The following GRK5 variants were observed in gnomAD, a reference collection of about 807,000 sequenced individuals.
GRK5 encodes G protein-coupled receptor kinase 5.
In GRK5, 40 loss-of-function variants were observed where a neutral mutation model predicts 78.4. That is an observed-to-expected ratio of 0.51 (90% confidence interval 0.40 to 0.66). The LOEUF is 0.66. GRK5 is among the 30% of genes least tolerant of loss of function. GRK5 has a pLI of 0.00. For synonymous variants in GRK5, 289 were observed against 296.8 expected (o/e 0.97, Z 0.27); for missense variants, 598 against 759.9 (o/e 0.79, Z 2.50).
At chr10:119,391,600 C>T (rs1851889145) in intron 3 of GRK5, among the ~76,000 whole-genome samples, 2 of 151,610 alleles carry the variant, frequency 1.3e-5, no homozygotes. Context: ...CCACAGGAGT[C>T]GGGTCTGGAG....
rs1477017248 is a variant in GRK5, at chr10:119,217,236, C to G, written c.52+9267C>G. On this transcript the variant is annotated intron_variant, in intron 1 of 15. Transcript: ENST00000392870. The surrounding 1 kb of genome is among the most constrained non-coding windows in gnomAD (Gnocchi z 4.1). ...CAAATTGGGAATATAATTTCTGTCT[C>G]AGACCGTGATTTCAGCTGAGGGCCA... 6.6e-6 allele frequency among the ~76,000 whole-genome samples: 1 copy of G among 152,212 alleles called. No individual in the cohort carries two copies. The highest frequency in any genetic ancestry group is 1.5e-5 in the Non-Finnish European group (1 of 68,038).
chr10:119,375,402 T>C lies in GRK5; in HGVS notation c.149-5413T>C, dbSNP rs536182457. On this transcript the variant is annotated intron_variant, in intron 2 of 15. Coordinates refer to ENST00000392870, the MANE Select transcript of GRK5 (RefSeq NM_005308.3). ...GCATTGTCTGCTCATTCCCATATTC[T>C]AGTGTGCTCTCCATGGCCACCACCC... 2.6e-5 allele frequency among the ~76,000 whole-genome samples: 4 copies of C among 152,284 alleles called. No individual in the cohort carries two copies. The South Asian group carries it at 6.2e-4, about 24-fold the overall frequency.
chr10:119,441,059 C>G (rs189310444), intron 10 of GRK5, among the ~76,000 whole-genome samples: 6 of 152,216 alleles, frequency 3.9e-5, no homozygotes, highest in African/African-American at 1.4e-4. Flanking sequence ...GGGGAGAAAC[C>G]GGGTCGCTGA....
chr10:119,416,066 T>C (rs1852445170), intron 4 of GRK5, among the ~76,000 whole-genome samples: 1 of 152,086 alleles, frequency 6.6e-6, no homozygotes, highest in Non-Finnish European at 1.5e-5. Context: ...TAGCTCTGAG[T>C]TGATTTCATG....
chr10:119,402,055 G>T (rs1459535873), intron 4 of GRK5, among the ~76,000 whole-genome samples: 6 of 152,194 alleles, frequency 3.9e-5, no homozygotes, highest in Non-Finnish European at 7.3e-5. Flanking sequence ...GGAAGAGAGG[G>T]ATGAAGGAGG....
intron 1 of GRK5, among the ~76,000 whole-genome samples, chr10:119,226,414 C>T (rs1395186032): frequency 3.4e-5 from 5 of 147,684 alleles, no homozygotes; most frequent in South Asian, 2.1e-4. Flanking sequence ...CAGGTTCAAG[C>T]GTGCTGATTC....
In GRK5 at chr10:119,345,832, C is replaced by CTTT. The variant is rs60190959; in HGVS notation, c.148+19234_148+19236dup. Reference sequence around the variant, plus strand: ...GCTCTTCTATTTAGGAGCTGTTTGACTTTTTTTTTTTTTTTAAACCTCTCT... The same window carrying CTTT: ...GCTCTTCTATTTAGGAGCTGTTTGACTTTTTTTTTTTTTTTTTTAAACCTCTCT... On this transcript the variant is annotated intron_variant, in intron 2 of 15. Coordinates refer to ENST00000392870, the MANE Select transcript of GRK5 (RefSeq NM_005308.3). Among the ~76,000 whole-genome samples, 743 of 145,826 alleles carry CTTT rather than the reference C, an allele frequency of 5.1e-3. 9 individuals are homozygous for CTTT. Among genetic ancestry groups the CTTT allele is most frequent in the African/African-American group, 0.018 (711 of 39,490 alleles).
intron 1 of GRK5, among the ~76,000 whole-genome samples, chr10:119,212,212 C>G (rs923477635): frequency 2.6e-5 from 4 of 151,818 alleles, no homozygotes; most frequent in East Asian, 1.9e-4. Context: ...GTAGAGAAAC[C>G]AAAAGCAATG....
chr10:119,287,323 AGGGAG>A (rs1849867642), intron 1 of GRK5, among the ~76,000 whole-genome samples: 1 of 77,172 alleles, frequency 1.3e-5, no homozygotes. Context: ...GGAGAGAGGG[AGGGAG>A]GAAGGGAGAG....
At chr10:119,294,463 C>T (rs1035760591) in intron 1 of GRK5, among the ~76,000 whole-genome samples, 6 of 152,118 alleles carry the variant, frequency 3.9e-5, no homozygotes, top group Non-Finnish European at 8.8e-5. Flanking sequence ...CCCAACCTGC[C>T]GCCAGCCACC....
At chr10:119,346,782 G>A (rs1201866798) in intron 2 of GRK5, among the ~76,000 whole-genome samples, 8 of 152,182 alleles carry the variant, frequency 5.3e-5, no homozygotes, top group East Asian at 3.9e-4. Context: ...CAGAGGCAAC[G>A]GGAGGAACCA....
chr10:119,287,523 A>G (rs989063352), intron 1 of GRK5, among the ~76,000 whole-genome samples: 2 of 152,226 alleles, frequency 1.3e-5, no homozygotes, highest in African/African-American at 4.8e-5. Flanking sequence ...CTTTCATTTC[A>G]GGATAAGGAA....
intron 3 of GRK5, among the ~76,000 whole-genome samples, chr10:119,394,240 GTGTCTGTGTGTGGA>G (rs1851958687): frequency 1.1e-5 from 1 of 89,750 alleles, no homozygotes; most frequent in Non-Finnish European, 2.4e-5. Context: ...GGGTGTGTGG[GTGTCTGTGTGTGGA>G]TGTATCTGTG....
intron 2 of GRK5, among the ~76,000 whole-genome samples, chr10:119,346,125 G>A (rs142044383): frequency 3.4e-4 from 51 of 152,228 alleles, no homozygotes; most frequent in African/African-American, 1.2e-3. Context: ...CTCCACCTTT[G>A]TAAGCCTAAC....
Position 119,394,297 on chromosome 10 carries a change from T to G in GRK5, c.262-2398T>G, listed in dbSNP as rs1406715142. Among the ~76,000 whole-genome samples the G allele has an allele frequency of 5.4e-3, 28 of 5,154 alleles. 4 individuals are homozygous for G. Among genetic ancestry groups the G allele is most frequent in the South Asian group, 6.2e-3 (1 of 162 alleles). 3.4% of individuals were successfully genotyped at this position (5,154 alleles called of 152,430 possible). A position where few individuals can be genotyped will look rare whatever the true frequency, so the allele number is the denominator to read the frequency against. Reference sequence around the variant, plus strand: ...GGGCGTGTGTGTGGGTGTGTATCTGTGTGTCTGTGTGGGCACGTGGGTGTG... The same window carrying G: ...GGGCGTGTGTGTGGGTGTGTATCTGGGTGTCTGTGTGGGCACGTGGGTGTG... On this transcript the variant is annotated intron_variant, in intron 3 of 15. Transcript: ENST00000392870.
chr10:119,298,752 G>A (rs138599180), intron 1 of GRK5, among the ~76,000 whole-genome samples: 110 of 151,942 alleles, frequency 7.2e-4, no homozygotes, highest in African/African-American at 2.5e-3. Context: ...GACACCCTTC[G>A]TTCTTTTCAT....
intron 1 of GRK5, among the ~76,000 whole-genome samples, chr10:119,324,513 A>G (rs981191130): frequency 6.6e-6 from 1 of 152,204 alleles, no homozygotes; most frequent in African/African-American, 2.4e-5. Flanking sequence ...CTGTATTCCC[A>G]GCTACTCGGG....
intron 1 of GRK5, among the ~76,000 whole-genome samples, chr10:119,216,791 A>G (rs1299601434): frequency 6.6e-6 from 1 of 152,112 alleles, no homozygotes; most frequent in Non-Finnish European, 1.5e-5. Context: ...CATCTCTACT[A>G]AAAATACAAA....
At chr10:119,338,483 T>C (rs1215893454) in intron 2 of GRK5, among the ~76,000 whole-genome samples, 5 of 152,262 alleles carry the variant, frequency 3.3e-5, no homozygotes, top group Non-Finnish European at 4.4e-5. Context: ...CATGTGGTTT[T>C]GTTTCTTACC....
Sources: allele counts gnomAD v4.1 joint callset (sites outside exome capture counted in the v4.1 genomes callset), GRCh38; gene constraint gnomAD v4.1.1; non-coding constraint Gnocchi (gnomAD v3.1); transcripts MANE v1.5; gene names NCBI Gene and HGNC (gene_info 2026-07-23, HGNC 2026-07-21).